CRAMP1: variants seen among roughly 807,000 people sequenced by gnomAD.
The protein encoded by CRAMP1 is protein cramped-like.
In CRAMP1, 50 loss-of-function variants were observed where a neutral mutation model predicts 115.4. That is an observed-to-expected ratio of 0.43 (90% CI 0.35 to 0.55). CRAMP1 has a LOEUF of 0.55. CRAMP1 is among the 20% of genes least tolerant of loss of function. The probability of loss-of-function intolerance (pLI) is 0.01; values close to 1 mark genes in which losing one functional copy is unlikely to be tolerated. For missense variants in CRAMP1, 1,679 were observed against 1,721.7 expected (o/e 0.98, Z 0.44); for synonymous variants, 866 against 745.4 (o/e 1.16, Z -2.64).
chr16:1,618,044 G>A (rs992097121), intron 2 of CRAMP1, among the ~76,000 whole-genome samples: 1 of 152,210 alleles, frequency 6.6e-6, no homozygotes, highest in African/African-American at 2.4e-5. Flanking sequence ...GGACGCACTG[G>A]AGATTTCGGC....
intron 3 of CRAMP1, 60 bp from the exon 4 acceptor site, chr16:1,632,152 T>A: frequency 6.6e-7 from 1 of 1,509,860 alleles, no homozygotes; most frequent in Non-Finnish European, 8.9e-7. Context: ...AGGGTCCAGT[T>A]AACACAGAAA....
chr16:1,626,209 C>A, intron 3 of CRAMP1, 43 bp downstream of exon 3: 1 of 1,430,646 alleles, frequency 7.0e-7, no homozygotes, highest in South Asian at 1.5e-5. Context: ...CTGGGCGTCC[C>A]TCTCGGATCC....
chr16:1,652,001 TGTA>T (rs2036728290), intron 6 of CRAMP1, among the ~76,000 whole-genome samples: 1 of 148,916 alleles, frequency 6.7e-6, no homozygotes, highest in Admixed American at 6.7e-5. Flanking sequence ...TCACAGGTCA[TGTA>T]GAGCTGGATT....
chr16:1,656,614 C>T lies in CRAMP1; in HGVS notation c.1857C>T (p.Pro619=), dbSNP rs370974722. The stretch of plus-strand genomic sequence containing the variant: ...CTCCCACTGGCCCATCCCCGAGGCC[C>T]GGCCCCGGGCTCCTGCTGGATGTTT... The part of the protein sequence containing the change: ...DLAPTGPSPR[P]GPGLLLDVCT... Residue 619 remains proline, a synonymous_variant, in exon 10 of 21, where the codon CCC becomes CCT. Coordinates refer to ENST00000397412, the MANE Select transcript of CRAMP1 (RefSeq NM_020825.4). This position sits in a 1 kb window ranked among gnomAD's most constrained non-coding sequence, Gnocchi z 5.6. 1.7e-4 allele frequency: 267 copies of T among 1,573,996 alleles called. 1 individual carries two copies. In the East Asian group the frequency reaches 3.6e-3, roughly 21 times the overall value.
intron 10 of CRAMP1, among the ~76,000 whole-genome samples, chr16:1,657,939 ATGTG>A (rs921136575): frequency 3.9e-5 from 6 of 152,112 alleles, no homozygotes; most frequent in African/African-American, 1.4e-4. Context: ...CATGGTCAGA[ATGTG>A]TGTGAGGCTC....
At chr16:1,655,774 G>C (rs2036765913) in intron 9 of CRAMP1, 103 bp from the exon 10 acceptor site, 2 of 1,307,090 alleles carry the variant, frequency 1.5e-6, no homozygotes, top group East Asian at 2.4e-5. Context: ...TTATACCCTG[G>C]GGGATGCCAG....
In CRAMP1 at chr16:1,626,013, G is replaced by T; in HGVS notation, c.387G>T (p.Gly129=). ...GATCATCGTCTGGAAATGTGTCTGG[G>T]GTTGCCCCTGCTGCCCCTGCAGGGG... The part of the protein sequence containing the change: ...GGGSSSGNVS[G]VAPAAPAGGS... Residue 129 remains glycine, a synonymous_variant, in exon 3 of 21, where the codon GGG becomes GGT. Coordinates refer to ENST00000397412, the MANE Select transcript of CRAMP1 (RefSeq NM_020825.4). 6.4e-7 allele frequency: 1 copy of T among 1,551,686 alleles called. No individual in the cohort carries two copies. Among genetic ancestry groups the T allele is most frequent in the Non-Finnish European group, 8.7e-7 (1 of 1,146,984 alleles).
rs1415098480 is a variant in CRAMP1, at chr16:1,614,394, C to T, written c.-1-245C>T. Among the ~76,000 whole-genome samples the T allele has an allele frequency of 2.8e-5, 4 of 142,140 alleles. No individual in the cohort carries two copies. The highest frequency in any genetic ancestry group is 1.0e-4 in the African/African-American group (4 of 39,336). The allele number at this position is 142,140 out of a possible 152,430, so 93.2% of individuals were successfully genotyped here. A position where few individuals can be genotyped will look rare whatever the true frequency, so the allele number is the denominator to read the frequency against. On this transcript the variant is annotated intron_variant, in intron 1 of 20. Transcript: ENST00000397412. The surrounding 1 kb of genome is among the most constrained non-coding windows in gnomAD (Gnocchi z 4.4). ...CGCCGCCGGCCCGGGCGTCTGGACG[C>T]GAGCCTCGGCCAGGGGGCGTCCGGG...
rs551189952 is a variant in CRAMP1, at chr16:1,624,602, C to T, written c.347-1371C>T. Among the ~76,000 whole-genome samples, 66 of 150,018 alleles carry T rather than the reference C, an allele frequency of 4.4e-4. 1 individual carries two copies. The South Asian group carries it at 0.013, about 29-fold the overall frequency. On this transcript the variant is annotated intron_variant, in intron 2 of 20. Transcript: ENST00000397412. ...CCTGGCTAATTTTTTCTTTTTTAGA[C>T]GCAGTCTTGCTCTGTAGCCAGGCTG... is the stretch of plus-strand genomic sequence containing the variant.
At chr16:1,630,702 G>C (rs1175673623) in intron 3 of CRAMP1, among the ~76,000 whole-genome samples, 1 of 152,190 alleles carries the variant, frequency 6.6e-6, no homozygotes, top group Admixed American at 6.5e-5. Flanking sequence ...ACCTGGGACA[G>C]CTCCTGGGTT....
At chr16:1,635,492 A>C (rs1380070414) in intron 4 of CRAMP1, among the ~76,000 whole-genome samples, 1 of 152,144 alleles carries the variant, frequency 6.6e-6, no homozygotes, top group Non-Finnish European at 1.5e-5. Context: ...ATGAGGTGCC[A>C]CCTAGGAGGC....
At chr16:1,638,777 G>A (rs2036609097) in intron 5 of CRAMP1, among the ~76,000 whole-genome samples, 1 of 152,100 alleles carries the variant, frequency 6.6e-6, no homozygotes, top group African/African-American at 2.4e-5. Flanking sequence ...CAGTCGCCCT[G>A]TCTGTGCCAG....
chr16:1,620,104 GA>G (rs2036453735), intron 2 of CRAMP1, among the ~76,000 whole-genome samples: 1 of 152,098 alleles, frequency 6.6e-6, no homozygotes, highest in African/African-American at 2.4e-5. Flanking sequence ...CCCCCCATGT[GA>G]CCTTGGAGAT....
Position 1,656,295 on chromosome 16 carries a change from C to T in CRAMP1, c.1538C>T (p.Pro513Leu), listed in dbSNP as rs903117300. 3 of 1,612,024 alleles carry T rather than the reference C, an allele frequency of 1.9e-6. No homozygotes were observed. Among genetic ancestry groups the T allele is most frequent in the Non-Finnish European group, 2.5e-6 (3 of 1,179,680 alleles). Residue 513 changes from proline (P) to leucine (L), a missense_variant, in exon 10 of 21, where the codon CCT (proline) becomes CTT (leucine). Physicochemically the swap from Pro to Leu is moderately conservative, Grantham distance 98 (BLOSUM62 -3). Transcript: ENST00000397412. The surrounding 1 kb of genome is among the most constrained non-coding windows in gnomAD (Gnocchi z 5.6). ...LSSPDAPDRP[P>L]PRHQDTGPCL... ...AGCCCGGACGCTCCTGACAGGCCTCCTCCCAGGCACCAGGACACTGGGCCA... is the reference window on the plus strand; with the variant it reads ...AGCCCGGACGCTCCTGACAGGCCTCTTCCCAGGCACCAGGACACTGGGCCA...
chr16:1,665,120 T>G lies in CRAMP1; in HGVS notation c.2734T>G (p.Ser912Ala), dbSNP rs781128527. ...SHNVCSFSIL[S>A]NSSVTGRGSF... ...CAACGTTTGTTCCTTCTCCATCCTG[T>G]CTAACTCTTCCGTAACTGGTAAGGA... Residue 912 changes from serine to alanine, a missense_variant, in exon 14 of 21, where the codon TCT becomes GCT. Physicochemically the swap from Ser to Ala is moderately conservative, Grantham distance 99 (BLOSUM62 1). Around this residue, in one of 8 missense-constraint regions of CRAMP1, gnomAD observed 709 missense variants for 741.9 expected, o/e 0.96. Transcript: ENST00000397412. 6.2e-7 allele frequency: 1 copy of G among 1,611,838 alleles called. No homozygotes were observed. Among genetic ancestry groups the G allele is most frequent in the Admixed American group, 1.7e-5 (1 of 60,030 alleles).
chr16:1,614,989 G>C lies in CRAMP1; in HGVS notation c.346+4G>C. The C allele has an allele frequency of 8.0e-7, 1 of 1,249,524 alleles. No homozygotes were observed. The allele number at this position is 1,249,524 out of a possible 1,614,324, so 77.4% of individuals were successfully genotyped here. On this transcript the variant is annotated splice_donor_region_variant and intron_variant, in intron 2 of 20. Transcript: ENST00000397412. This position sits in a 1 kb window ranked among gnomAD's most constrained non-coding sequence, Gnocchi z 4.4. ...GGCTCGGGGCCCCGCGGAAAAGGTA[G>C]GGCGGCCCGTCCCCTTGGGAGACCC...
At chr16:1,640,560 ACTGTAGCTGCTTT>A (rs1362045126) in intron 5 of CRAMP1, among the ~76,000 whole-genome samples, 1 of 152,182 alleles carries the variant, frequency 6.6e-6, no homozygotes, top group Non-Finnish European at 1.5e-5. Context: ...CCGTTAACGT[ACTGTAGCTGCTTT>A]CTTGCACATC....
intron 14 of CRAMP1, 53 bp downstream of exon 14, chr16:1,665,191 G>A: frequency 8.3e-7 from 1 of 1,199,536 alleles, no homozygotes; most frequent in South Asian, 1.2e-5. Flanking sequence ...TCACAGGAGG[G>A]CCTTGGCTTT....
intron 6 of CRAMP1, among the ~76,000 whole-genome samples, chr16:1,647,609 G>A (rs1567455034): frequency 6.6e-6 from 1 of 152,048 alleles, no homozygotes; most frequent in Non-Finnish European, 1.5e-5. Flanking sequence ...GTGTATGTTG[G>A]TGTATGCCTG....
Sources: allele counts gnomAD v4.1 joint callset (sites outside exome capture counted in the v4.1 genomes callset), GRCh38; gene constraint gnomAD v4.1.1; regional missense constraint gnomAD v4.1.1; non-coding constraint Gnocchi (gnomAD v3.1); transcripts MANE v1.5; gene names NCBI Gene and HGNC (gene_info 2026-07-23, HGNC 2026-07-21).